The following NCAM1 variants were observed in gnomAD, a reference collection of about 807,000 sequenced individuals.
The protein encoded by NCAM1 is antigen recognized by monoclonal antibody 5.1H11.
Under a neutral mutation model 109.8 loss-of-function variants are expected in NCAM1, and 14 were observed. The observed-to-expected ratio is 0.13, with a 90% CI of 0.08 to 0.20. The LOEUF (loss-of-function observed/expected upper bound fraction) is 0.20, where lower values mean the gene tolerates loss of function less well. Among genes scored for constraint, NCAM1 ranks in the 10% least tolerant of loss-of-function variants. NCAM1 has a pLI of 1.00. For synonymous variants in NCAM1, 418 were observed against 442.9 expected (o/e 0.94, Z 0.70); for missense variants, 774 against 1,109.9 (o/e 0.70, Z 4.30).
chr11:113,098,376 C>G (rs539939923), intron 1 of NCAM1, among the ~76,000 whole-genome samples: 3 of 152,302 alleles, frequency 2.0e-5, no homozygotes, highest in Admixed American at 2.0e-4. Flanking sequence ...ATTGAATCAT[C>G]TCTAGATTAC....
At position 113,149,991 on chromosome 11, in the gene NCAM1, A is replaced by T. The variant is rs533370448; in HGVS notation, c.53-52388A>T. ...TGGGAGTCATTTGCATAAAAGTGAG[A>T]ATTTAAGAGGATGAAAATGATCAAA... On this transcript the variant is annotated intron_variant, in intron 1 of 19. Transcript: ENST00000316851. 1.7e-3 allele frequency among the ~76,000 whole-genome samples: 266 copies of T among 152,296 alleles called. 2 individuals are homozygous for T. The highest frequency in any genetic ancestry group is 3.2e-3 in the Non-Finnish European group (218 of 68,024).
At chr11:113,062,061 C>T (rs1254876991) in intron 1 of NCAM1, among the ~76,000 whole-genome samples, 1 of 152,066 alleles carries the variant, frequency 6.6e-6, no homozygotes, top group African/African-American at 2.4e-5. Flanking sequence ...GGTGGGGGAC[C>T]ATGTGAGCAC....
At chr11:113,055,337 C>T (rs190823379) in intron 1 of NCAM1, among the ~76,000 whole-genome samples, 28 of 152,134 alleles carry the variant, frequency 1.8e-4, no homozygotes, top group Admixed American at 1.5e-3. Context: ...CTACAGAGCC[C>T]GTTACAAAAA....
intron 1 of NCAM1, among the ~76,000 whole-genome samples, chr11:113,053,190 G>A (rs1351639841): frequency 6.6e-6 from 1 of 152,118 alleles, no homozygotes; most frequent in Admixed American, 6.6e-5. Context: ...AGTTTGCTGA[G>A]GATAATGGCT....
At chr11:113,109,849 G>A (rs1940364441) in intron 1 of NCAM1, among the ~76,000 whole-genome samples, 1 of 152,114 alleles carries the variant, frequency 6.6e-6, no homozygotes, top group Non-Finnish European at 1.5e-5. Flanking sequence ...TGTTCCGGAG[G>A]CATCAGATAG....
chr11:113,218,249 G>C (rs1944586119), intron 8 of NCAM1, among the ~76,000 whole-genome samples: 1 of 152,110 alleles, frequency 6.6e-6, no homozygotes, highest in Non-Finnish European at 1.5e-5. Context: ...ATGTTGACTA[G>C]AACAAGGTCA....
intron 9 of NCAM1, among the ~76,000 whole-genome samples, chr11:113,230,940 G>C (rs1387575074): frequency 6.6e-6 from 1 of 152,202 alleles, no homozygotes; most frequent in Non-Finnish European, 1.5e-5. Flanking sequence ...GCCCATTGCT[G>C]TATCAAGGAC....
At chr11:113,126,194 A>C (rs1941170808) in intron 1 of NCAM1, among the ~76,000 whole-genome samples, 1 of 151,152 alleles carries the variant, frequency 6.6e-6, no homozygotes, top group South Asian at 2.1e-4. Flanking sequence ...ACCCTCCCCT[A>C]CCCTTAACAA....
intron 1 of NCAM1, among the ~76,000 whole-genome samples, chr11:113,192,272 G>A (rs944887295): frequency 2.0e-5 from 3 of 152,162 alleles, no homozygotes; most frequent in Admixed American, 6.5e-5. Context: ...TCTTATCAGG[G>A]CAGATTGATG....
chr11:113,023,652 G>T (rs1952457685), intron 1 of NCAM1, among the ~76,000 whole-genome samples: 1 of 152,286 alleles, frequency 6.6e-6, no homozygotes, highest in East Asian at 1.9e-4. Context: ...TCCTCTGTGT[G>T]TTTGTGTTTG....
At chr11:113,158,501 TAAG>T (rs1942491971) in intron 1 of NCAM1, among the ~76,000 whole-genome samples, 1 of 152,214 alleles carries the variant, frequency 6.6e-6, no homozygotes, top group African/African-American at 2.4e-5. Flanking sequence ...CACAGAATTT[TAAG>T]AAGATGTGTA....
intron 1 of NCAM1, among the ~76,000 whole-genome samples, chr11:113,044,461 G>C (rs1259954507): frequency 6.6e-6 from 1 of 152,048 alleles, no homozygotes; most frequent in Non-Finnish European, 1.5e-5. Context: ...GAGGCGGGCC[G>C]ATCACTTGAG....
intron 7 of NCAM1, among the ~76,000 whole-genome samples, chr11:113,210,866 G>C (rs1371739608): frequency 6.6e-6 from 1 of 151,620 alleles, no homozygotes; most frequent in Non-Finnish European, 1.5e-5. Context: ...GAAGAATAGG[G>C]AGCATAGTGG....
At chr11:112,990,866 T>C (rs1265199960) in intron 1 of NCAM1, among the ~76,000 whole-genome samples, 2 of 152,228 alleles carry the variant, frequency 1.3e-5, no homozygotes, top group Non-Finnish European at 2.9e-5. Context: ...TGTGCTCCAA[T>C]ATTTTCTCCA....
At chr11:113,180,989 C>T (rs1396995796) in intron 1 of NCAM1, among the ~76,000 whole-genome samples, 1 of 152,166 alleles carries the variant, frequency 6.6e-6, no homozygotes, top group Non-Finnish European at 1.5e-5. Context: ...GGATGAGGAC[C>T]TCATTCATAT....
intron 1 of NCAM1, among the ~76,000 whole-genome samples, chr11:113,062,186 T>C (rs577582209): frequency 6.6e-6 from 1 of 152,352 alleles, no homozygotes; most frequent in South Asian, 2.1e-4. Flanking sequence ...ATCACTTCTA[T>C]GTAGTTCCAG....
At chr11:113,064,514 A>AT (rs527739410) in intron 1 of NCAM1, among the ~76,000 whole-genome samples, 72 of 151,982 alleles carry the variant, frequency 4.7e-4, no homozygotes, top group East Asian at 1.7e-3. Context: ...CTTAAACTAT[A>AT]TTTTTTTTAT....
chr11:113,134,622 C>T (rs1263413613), intron 1 of NCAM1, among the ~76,000 whole-genome samples: 2 of 152,104 alleles, frequency 1.3e-5, no homozygotes, highest in African/African-American at 4.8e-5. Context: ...GGTTCCTATT[C>T]CCTGTCCTAT....
At chr11:113,227,734 C>T (rs1944892769) in intron 9 of NCAM1, among the ~76,000 whole-genome samples, 1 of 152,194 alleles carries the variant, frequency 6.6e-6, no homozygotes, top group Non-Finnish European at 1.5e-5. Context: ...GCTTATCCAC[C>T]ATGATCAAGT....
Sources: allele counts gnomAD v4.1 joint callset (sites outside exome capture counted in the v4.1 genomes callset), GRCh38; gene constraint gnomAD v4.1.1; transcripts MANE v1.5; gene names NCBI Gene and HGNC (gene_info 2026-07-23, HGNC 2026-07-21).